DSCAM: variants seen among roughly 807,000 people sequenced by gnomAD.
DSCAM encodes DS cell adhesion molecule, also known as cell adhesion molecule DSCAM.
A neutral mutation model predicts 217.7 loss-of-function variants in DSCAM; 47 were observed. The ratio of observed to expected loss-of-function variants is 0.22; its 90% CI spans 0.17 to 0.28. The LOEUF is 0.28. Ranked by LOEUF, DSCAM falls within the 10% of genes least tolerant of loss-of-function variation. The pLI is 1.00. For missense variants in DSCAM, 2,080 were observed against 2,618.3 expected, an observed-to-expected ratio of 0.79 and a Z score of 4.49; for synonymous variants, 1,056 against 1,015.3, an observed-to-expected ratio of 1.04 and a Z score of -0.76.
intron 3 of DSCAM, among the ~76,000 whole-genome samples, chr21:40,388,437 G>A (rs181782496): frequency 2.8e-4 from 42 of 152,306 alleles, no homozygotes; most frequent in African/African-American, 9.1e-4. Context: ...TCAGCGTGCT[G>A]TATTTGTGGG....
chr21:40,546,687 AAAAAT>A (rs1350991109), intron 3 of DSCAM, among the ~76,000 whole-genome samples: 1 of 152,244 alleles, frequency 6.6e-6, no homozygotes, highest in African/African-American at 2.4e-5. Context: ...ATCCATTTAA[AAAAAT>A]AAAATACAAA....
chr21:40,734,344 C>G (rs1196071695), intron 1 of DSCAM, among the ~76,000 whole-genome samples: 3 of 152,196 alleles, frequency 2.0e-5, no homozygotes, highest in Non-Finnish European at 4.4e-5. Context: ...AAACCCATCT[C>G]TCAGATAAGT....
chr21:40,799,890 C>T (rs1404069752), intron 1 of DSCAM, among the ~76,000 whole-genome samples: 1 of 152,170 alleles, frequency 6.6e-6, no homozygotes, highest in Non-Finnish European at 1.5e-5. Context: ...GTTTTGGAGA[C>T]AGTACACTGC....
intron 20 of DSCAM, among the ~76,000 whole-genome samples, chr21:40,112,537 G>A (rs1055009773): frequency 2.0e-5 from 3 of 152,088 alleles, no homozygotes; most frequent in Non-Finnish European, 4.4e-5. Flanking sequence ...ACATTCAAAA[G>A]CTAGCAGAAG....
chr21:40,492,000 C>A (rs143489745), intron 3 of DSCAM, among the ~76,000 whole-genome samples: 106 of 152,288 alleles, frequency 7.0e-4, no homozygotes, highest in Non-Finnish European at 1.2e-3. Flanking sequence ...CTTCTTCCCA[C>A]AACAGAAATC....
At chr21:40,738,252 C>T (rs751365818) in intron 1 of DSCAM, among the ~76,000 whole-genome samples, 1 of 152,192 alleles carries the variant, frequency 6.6e-6, no homozygotes, top group Non-Finnish European at 1.5e-5. Flanking sequence ...AATTAAAATG[C>T]ACAACAGGTT....
At chr21:40,760,902 C>A (rs2210271) in intron 1 of DSCAM, among the ~76,000 whole-genome samples, 44,619 of 152,076 alleles carry the variant, frequency 0.29, 7,621 homozygotes, top group East Asian at 0.4. Context: ...AGAATCAACA[C>A]GATCAGTCCC....
Position 40,315,399 on chromosome 21 carries a change from G to A in DSCAM, c.1784-3040C>T, listed in dbSNP as rs928800478. ...AGCATGGGAGACAGAGCGAAACTCC[G>A]TCTCAAAAAAAAAAAAGGAAAACAT... On this transcript the variant is annotated intron_variant, in intron 8 of 32. Transcript: ENST00000400454. Among the ~76,000 whole-genome samples the A allele has an allele frequency of 3.3e-4, 48 of 147,004 alleles. 1 individual carries two copies. The highest frequency in any genetic ancestry group is 9.2e-4 in the African/African-American group (36 of 38,920).
chr21:40,525,350 G>C (rs1275490779), intron 3 of DSCAM, among the ~76,000 whole-genome samples: 1 of 152,168 alleles, frequency 6.6e-6, no homozygotes, highest in African/African-American at 2.4e-5. Context: ...CTGTCTAGCA[G>C]TGGACAGTGG....
intron 3 of DSCAM, among the ~76,000 whole-genome samples, chr21:40,659,573 TATCTATCTTTC>T (rs1307109012): frequency 6.6e-6 from 1 of 152,222 alleles, no homozygotes; most frequent in African/African-American, 2.4e-5. Flanking sequence ...TTTATCTATG[TATCTATCTTTC>T]ATCTATCTGC....
At chr21:40,761,646 A>C (rs958281004) in intron 1 of DSCAM, among the ~76,000 whole-genome samples, 17 of 152,330 alleles carry the variant, frequency 1.1e-4, no homozygotes, top group African/African-American at 3.8e-4. Flanking sequence ...TCAGTTTGTG[A>C]TGCTTTCTTA....
chr21:40,845,737 T>C (rs2092139783), intron 1 of DSCAM, among the ~76,000 whole-genome samples: 1 of 152,164 alleles, frequency 6.6e-6, no homozygotes, highest in African/African-American at 2.4e-5. Context: ...AAGCCGTAGC[T>C]ACTCCCAGGC....
At chr21:40,538,918 T>C (rs2076521254) in intron 3 of DSCAM, among the ~76,000 whole-genome samples, 1 of 152,088 alleles carries the variant, frequency 6.6e-6, no homozygotes, top group Non-Finnish European at 1.5e-5. Context: ...TGAGGTCAAG[T>C]AGTAGAGGAT....
chr21:40,450,852 G>A (rs556612011), intron 3 of DSCAM, among the ~76,000 whole-genome samples: 2 of 152,296 alleles, frequency 1.3e-5, no homozygotes, highest in African/African-American at 2.4e-5. Context: ...TTCCAGTAAC[G>A]ATTGAACAGT....
intron 3 of DSCAM, among the ~76,000 whole-genome samples, chr21:40,432,705 A>C (rs2075546357): frequency 6.6e-6 from 1 of 152,174 alleles, no homozygotes; most frequent in Admixed American, 6.5e-5. Flanking sequence ...ATGAATAGAT[A>C]TAGTAAAGGA....
intron 15 of DSCAM, among the ~76,000 whole-genome samples, chr21:40,175,801 A>ATG: frequency 9.1e-6 from 1 of 110,050 alleles, no homozygotes; most frequent in African/African-American, 3.4e-5. Context: ...ACACACACAC[A>ATG]CACACACGCA....
chr21:40,604,828 T>C (rs761500250), intron 3 of DSCAM, among the ~76,000 whole-genome samples: 1 of 152,188 alleles, frequency 6.6e-6, no homozygotes, highest in African/African-American at 2.4e-5. Context: ...AGTCCCTGGA[T>C]TGTGACTTTC....
intron 1 of DSCAM, among the ~76,000 whole-genome samples, chr21:40,732,312 A>G (rs931908061): frequency 3.9e-5 from 6 of 152,244 alleles, no homozygotes; most frequent in African/African-American, 1.4e-4. Context: ...CATGTAAGGC[A>G]GAACATTCTA....
intron 3 of DSCAM, among the ~76,000 whole-genome samples, chr21:40,533,681 CCATCCATCCATCCATT>C (rs1365926352): frequency 1.3e-5 from 2 of 150,218 alleles, no homozygotes; most frequent in Admixed American, 6.7e-5. Context: ...ATCTGTCCAT[CCATCCATCCATCCATT>C]CATCCATCCA....
Sources: allele counts gnomAD v4.1 joint callset (sites outside exome capture counted in the v4.1 genomes callset), GRCh38; gene constraint gnomAD v4.1.1; transcripts MANE v1.5; gene names NCBI Gene and HGNC (gene_info 2026-07-23, HGNC 2026-07-21).